Variants in PTPRM observed in about 807,000 individuals in gnomAD.
PTPRM encodes receptor-type tyrosine-protein phosphatase mu.
In PTPRM, 47 loss-of-function variants were observed where a neutral mutation model predicts 186.7. The ratio of observed to expected loss-of-function variants is 0.25; its 90% CI spans 0.20 to 0.32. The LOEUF (loss-of-function observed/expected upper bound fraction) is 0.32, where lower values mean the gene tolerates loss of function less well. PTPRM is among the 10% of genes least tolerant of loss of function. PTPRM has a pLI of 1.00. For synonymous variants in PTPRM, 668 were observed against 674.9 expected (o/e 0.99, Z 0.16); for missense variants, 1,494 against 1,865.0 (o/e 0.80, Z 3.66).
chr18:7,756,672 C>A (rs2041507540), intron 1 of PTPRM, among the ~76,000 whole-genome samples: 1 of 152,072 alleles, frequency 6.6e-6, no homozygotes, highest in South Asian at 2.1e-4. Context: ...TTGTATATAA[C>A]AATTGTATGT....
intron 14 of PTPRM, among the ~76,000 whole-genome samples, chr18:8,220,877 C>T (rs2147068062): frequency 6.6e-6 from 1 of 152,154 alleles, no homozygotes; most frequent in South Asian, 2.1e-4. Context: ...GTTATTAAAC[C>T]CTACATCTCC....
intron 7 of PTPRM, among the ~76,000 whole-genome samples, chr18:7,957,913 T>C (rs1050616568): frequency 6.6e-6 from 1 of 152,116 alleles, no homozygotes; most frequent in African/African-American, 2.4e-5. Context: ...AAATCATGGA[T>C]TTCATAAACA....
intron 1 of PTPRM, among the ~76,000 whole-genome samples, chr18:7,763,651 A>C (rs1005472719): frequency 1.3e-5 from 2 of 152,232 alleles, no homozygotes; most frequent in Admixed American, 1.3e-4. Context: ...GGATATGTGA[A>C]ACTATATTTA....
At chr18:8,114,748 G>T in intron 12 of PTPRM, 43 bp from the exon 13 acceptor site, 1 of 1,513,344 alleles carries the variant, frequency 6.6e-7, no homozygotes. Context: ...TTGTCTTAAA[G>T]AAAACATGAA....
intron 1 of PTPRM, among the ~76,000 whole-genome samples, chr18:7,771,488 T>C (rs2042267137): frequency 1.3e-5 from 2 of 152,142 alleles, no homozygotes; most frequent in Admixed American, 6.6e-5. Context: ...GTTTCTGGAG[T>C]TGTTAAAACT....
chr18:8,063,988 T>C (rs906398213), intron 7 of PTPRM, among the ~76,000 whole-genome samples: 3 of 152,104 alleles, frequency 2.0e-5, no homozygotes, highest in African/African-American at 7.2e-5. Context: ...ATGTTTAGAG[T>C]GTTATTTTCC....
chr18:7,603,495 A>C (rs947448667), intron 1 of PTPRM, among the ~76,000 whole-genome samples: 8 of 152,168 alleles, frequency 5.3e-5, no homozygotes, highest in African/African-American at 1.7e-4. Context: ...ACCTGGGGTG[A>C]GGTCTGCAGG....
intron 13 of PTPRM, among the ~76,000 whole-genome samples, chr18:8,115,538 G>C (rs2091923712): frequency 6.6e-6 from 1 of 152,140 alleles, no homozygotes; most frequent in African/African-American, 2.4e-5. Context: ...GAAATGCTTT[G>C]AGAAATTTAA....
chr18:8,068,556 T>C (rs16952810), intron 7 of PTPRM, among the ~76,000 whole-genome samples: 4,691 of 152,282 alleles, frequency 0.031, 235 homozygotes, highest in African/African-American at 0.11. Flanking sequence ...TTTCTAAGCT[T>C]GAAACTGTAC....
At chr18:8,125,616 A>G (rs1209235160) in intron 13 of PTPRM, among the ~76,000 whole-genome samples, 1 of 152,050 alleles carries the variant, frequency 6.6e-6, no homozygotes, top group Non-Finnish European at 1.5e-5. Flanking sequence ...CAATTTTTAA[A>G]AAAATGCTTT....
intron 5 of PTPRM, among the ~76,000 whole-genome samples, chr18:7,930,549 T>C (rs780592252): frequency 2.0e-5 from 3 of 152,208 alleles, no homozygotes; most frequent in Non-Finnish European, 4.4e-5. Flanking sequence ...AATACAACTC[T>C]GTTTATTTAC....
At chr18:7,837,600 G>A (rs762080980) in intron 2 of PTPRM, among the ~76,000 whole-genome samples, 7 of 152,096 alleles carry the variant, frequency 4.6e-5, no homozygotes, top group Admixed American at 1.3e-4. Context: ...GACTACAGGC[G>A]CATGCCACCA....
rs183814454 is a variant in PTPRM, at chr18:8,201,654, G to A, written c.2301-42404G>A. On this transcript the variant is annotated intron_variant, in intron 14 of 32. Coordinates refer to ENST00000580170, the MANE Select transcript of PTPRM (RefSeq NM_001105244.2). The stretch of plus-strand genomic sequence containing the variant: ...CTGCTGAGGGCTCTCTCCCTGGTGT[G>A]TGGATGACCACCTTCTTGCTGTGCC... Among the ~76,000 whole-genome samples the A allele has an allele frequency of 4.6e-3, 708 of 152,264 alleles. 4 individuals carry two copies. The highest frequency in any genetic ancestry group is 7.4e-3 in the Non-Finnish European group (504 of 68,010).
intron 29 of PTPRM, among the ~76,000 whole-genome samples, chr18:8,384,310 T>C (rs148380208): frequency 0.016 from 2,463 of 152,072 alleles, 30 homozygotes; most frequent in Admixed American, 0.043. Flanking sequence ...ATACAAAAAT[T>C]AGCCAGGCAT....
rs144676271 is a variant in PTPRM at position 8,172,122 on chromosome 18, A to G, written c.2300+28343A>G. 4.6e-3 allele frequency among the ~76,000 whole-genome samples: 696 copies of G among 152,282 alleles called. 9 individuals are homozygous for G. The highest frequency in any genetic ancestry group is 0.016 in the African/African-American group (654 of 41,540). ...TCAGCAATATAAAGACATACCCGAT[A>G]CTGAGCAGTTTACAAAAGAAAGAGG... On this transcript the variant is annotated intron_variant, in intron 14 of 32. Transcript: ENST00000580170.
At chr18:8,189,744 A>G (rs1338180819) in intron 14 of PTPRM, among the ~76,000 whole-genome samples, 1 of 152,174 alleles carries the variant, frequency 6.6e-6, no homozygotes, top group Admixed American at 6.5e-5. Flanking sequence ...TTCCATCTGG[A>G]ATACCTGAGT....
At chr18:8,295,289 A>G (rs187959978) in intron 19 of PTPRM, among the ~76,000 whole-genome samples, 1 of 152,202 alleles carries the variant, frequency 6.6e-6, no homozygotes, top group East Asian at 1.9e-4. Flanking sequence ...GAATAAATAC[A>G]TTCTACCTAG....
chr18:7,903,282 C>T (rs1041407721), intron 3 of PTPRM, among the ~76,000 whole-genome samples: 4 of 152,172 alleles, frequency 2.6e-5, no homozygotes, highest in African/African-American at 7.2e-5. Context: ...AACATTTCTG[C>T]GTTTGGTTTT....
chr18:7,620,114 A>G (rs540447957), intron 1 of PTPRM, among the ~76,000 whole-genome samples: 62 of 152,310 alleles, frequency 4.1e-4, no homozygotes, highest in African/African-American at 1.4e-3. Context: ...CAGGCGGTCC[A>G]TGGGTGTTTC....
Sources: allele counts gnomAD v4.1 joint callset (sites outside exome capture counted in the v4.1 genomes callset), GRCh38; gene constraint gnomAD v4.1.1; transcripts MANE v1.5; gene names NCBI Gene and HGNC (gene_info 2026-07-23, HGNC 2026-07-21).